CRB1: variants seen among roughly 807,000 people sequenced by gnomAD.
CRB1 encodes protein crumbs homolog 1.
A neutral mutation model predicts 120.0 loss-of-function variants in CRB1; 83 were observed. That is an observed-to-expected ratio of 0.69 (90% CI 0.58 to 0.83). The LOEUF (loss-of-function observed/expected upper bound fraction) is 0.83. Among genes scored for constraint, CRB1 ranks in the 40% least tolerant of loss-of-function variants. The pLI is 0.00. For missense variants in CRB1, 1,699 were observed against 1,687.6 expected, an observed-to-expected ratio of 1.01 and a Z score of -0.12; for synonymous variants, 625 against 612.5, an observed-to-expected ratio of 1.02 and a Z score of -0.30.
At chr1:197,430,586 C>G (rs547807951) in intron 8 of CRB1, among the ~76,000 whole-genome samples, 2 of 152,334 alleles carry the variant, frequency 1.3e-5, no homozygotes, top group East Asian at 1.9e-4. Context: ...CACCACCTCC[C>G]TCCTGAACTC....
intron 1 of CRB1, among the ~76,000 whole-genome samples, chr1:197,271,410 C>T (rs1254819700): frequency 6.6e-6 from 1 of 152,126 alleles, no homozygotes; most frequent in African/African-American, 2.4e-5. Context: ...ACCTTTATGT[C>T]CTTCCAGTTG....
intron 11 of CRB1, among the ~76,000 whole-genome samples, chr1:197,456,185 T>G (rs1666276677): frequency 6.6e-6 from 1 of 152,284 alleles, no homozygotes; most frequent in Non-Finnish European, 1.5e-5. Flanking sequence ...TATTAATGAC[T>G]GATAAATGGC....
chr1:197,368,365 C>G (rs75767582), intron 5 of CRB1, among the ~76,000 whole-genome samples: 2,282 of 152,292 alleles, frequency 0.015, 64 homozygotes, highest in African/African-American at 0.053. Context: ...TCATCTGATT[C>G]ATTTACCTTT....
chr1:197,416,765 A>G (rs1664026033), intron 5 of CRB1, among the ~76,000 whole-genome samples: 1 of 152,082 alleles, frequency 6.6e-6, no homozygotes, highest in Non-Finnish European at 1.5e-5. Context: ...GCTGGAGTGC[A>G]GTGGCACAAT....
intron 5 of CRB1, among the ~76,000 whole-genome samples, chr1:197,368,176 C>T (rs1164306501): frequency 1.3e-5 from 2 of 152,170 alleles, no homozygotes; most frequent in Non-Finnish European, 2.9e-5. Context: ...TTGCTGACTT[C>T]ACATTTCAGG....
At chr1:197,357,194 C>T in intron 5 of CRB1, 181 bp downstream of exon 5, 1 of 691,118 alleles carries the variant, frequency 1.4e-6, no homozygotes, top group Non-Finnish European at 2.6e-6. Flanking sequence ...TTCCTCAAAT[C>T]ACGAGAGAAA....
chr1:197,306,983 TA>T (rs1333161716), intron 1 of CRB1, among the ~76,000 whole-genome samples: 1 of 152,198 alleles, frequency 6.6e-6, no homozygotes, highest in African/African-American at 2.4e-5. Flanking sequence ...TTCCCTCTTA[TA>T]GTAAAAACAA....
chr1:197,210,599 G>A, the CRB1 span, among the ~76,000 whole-genome samples: 1 of 151,822 alleles, frequency 6.6e-6, no homozygotes, highest in Non-Finnish European at 1.5e-5. Flanking sequence ...CAAACAATCA[G>A]TCTACCTATC....
At chr1:197,252,321 G>C in the CRB1 span, among the ~76,000 whole-genome samples, 2 of 150,468 alleles carry the variant, frequency 1.3e-5, no homozygotes, top group African/African-American at 4.9e-5. Context: ...TTAGCTTTCA[G>C]GTCTCGAAAT....
chr1:197,355,667 C>T (rs1187187428), intron 4 of CRB1, among the ~76,000 whole-genome samples: 3 of 152,220 alleles, frequency 2.0e-5, no homozygotes, highest in African/African-American at 4.8e-5. Flanking sequence ...CCGTGGGCAG[C>T]GGCGCCCACC....
chr1:197,302,382 A>G (rs1430107776), intron 1 of CRB1, among the ~76,000 whole-genome samples: 1 of 152,238 alleles, frequency 6.6e-6, no homozygotes, highest in Admixed American at 6.5e-5. Context: ...TTTTATATGC[A>G]CTAGGAAACC....
intron 11 of CRB1, among the ~76,000 whole-genome samples, chr1:197,463,536 T>TG (rs1005407265): frequency 6.6e-6 from 1 of 152,188 alleles, no homozygotes; most frequent in African/African-American, 2.4e-5. Flanking sequence ...GGGGTAGATT[T>TG]GGGGTTACAT....
At chr1:197,385,884 T>C (rs1396541506) in intron 5 of CRB1, among the ~76,000 whole-genome samples, 1 of 152,020 alleles carries the variant, frequency 6.6e-6, no homozygotes, top group Non-Finnish European at 1.5e-5. Context: ...TTAACTACAA[T>C]CAGAAGTGGT....
At chr1:197,381,118 A>T (rs1343155097) in intron 5 of CRB1, among the ~76,000 whole-genome samples, 2 of 152,144 alleles carry the variant, frequency 1.3e-5, no homozygotes, top group Admixed American at 6.5e-5. Context: ...TCATTTAAGC[A>T]ATACCACTCT....
chr1:197,304,302 T>C, intron 1 of CRB1: 1 of 554,318 alleles, frequency 1.8e-6, no homozygotes. Flanking sequence ...TATTTGATTT[T>C]CTAATGGTTA....
chr1:197,447,135 C>T (rs1436178188), intron 11 of CRB1, among the ~76,000 whole-genome samples: 1 of 152,184 alleles, frequency 6.6e-6, no homozygotes, highest in Admixed American at 6.5e-5. Flanking sequence ...TGCTCAGGGT[C>T]TCACAAGACA....
At chr1:197,444,804 A>G (rs914735667) in intron 11 of CRB1, 1 of 152,172 alleles carries the variant, frequency 6.6e-6, no homozygotes, top group African/African-American at 2.4e-5. Flanking sequence ...ACAGAAAAAT[A>G]AAACCTTTGT....
the CRB1 span, among the ~76,000 whole-genome samples, chr1:197,239,112 A>G: frequency 6.6e-6 from 1 of 152,034 alleles, no homozygotes; most frequent in East Asian, 1.9e-4. Flanking sequence ...TTTTAAATTT[A>G]TTAAGTTTTT....
chr1:197,351,820 G>A (rs371508161), intron 4 of CRB1, among the ~76,000 whole-genome samples: 1 of 152,276 alleles, frequency 6.6e-6, no homozygotes, highest in East Asian at 1.9e-4. Flanking sequence ...CTGGGTTTCT[G>A]CCTTGGGTTA....
Sources: gnomAD v4.1 joint callset for allele counts (sites outside exome capture counted in the v4.1 genomes callset) on GRCh38, gnomAD v4.1.1 for gene constraint, MANE v1.5 for transcripts, NCBI Gene and HGNC (gene_info 2026-07-23, HGNC 2026-07-21) for gene names.